The following CYRIA variants were observed in gnomAD, a reference collection of about 807,000 sequenced individuals.
CYRIA encodes CYFIP related Rac1 interactor A.
Under a neutral mutation model 43.9 loss-of-function variants are expected in CYRIA, and 15 were observed. The observed-to-expected ratio is 0.34, with a 90% CI of 0.23 to 0.53. The LOEUF (loss-of-function observed/expected upper bound fraction) is 0.53, where lower values mean the gene tolerates loss of function less well. CYRIA is among the 20% of genes least tolerant of loss of function. CYRIA has a pLI of 0.94. For missense variants in CYRIA, 236 were observed against 394.2 expected (o/e 0.60, Z 3.40); for synonymous variants, 117 against 136.0 (o/e 0.86, Z 0.97).
At chr2:16,563,921 C>T in intron 5 of CYRIA, 68 bp downstream of exon 5, 2 of 1,168,488 alleles carry the variant, frequency 1.7e-6, no homozygotes, top group Non-Finnish European at 2.5e-6. Flanking sequence ...ACGCTGTTCC[C>T]ACTACCTACT....
intron 2 of CYRIA, among the ~76,000 whole-genome samples, chr2:16,593,946 C>T (rs1307224338): frequency 9.0e-6 from 1 of 111,542 alleles, no homozygotes; most frequent in African/African-American, 3.4e-5. Context: ...TCTCATTGTT[C>T]AATTCCCACC....
chr2:16,643,527 A>G (rs1049974796), intron 1 of CYRIA, among the ~76,000 whole-genome samples: 7 of 152,234 alleles, frequency 4.6e-5, no homozygotes, highest in Non-Finnish European at 8.8e-5. Context: ...TTTAAGACAC[A>G]CAGTCACGAT....
intron 2 of CYRIA, among the ~76,000 whole-genome samples, chr2:16,589,379 G>A (rs1572485385): frequency 6.6e-6 from 1 of 152,110 alleles, no homozygotes; most frequent in Non-Finnish European, 1.5e-5. Context: ...GTAGCAAGTG[G>A]TGGGATCTGG....
At chr2:16,559,427 T>TC in intron 10 of CYRIA, 33 bp downstream of exon 10, 1 of 1,603,992 alleles carries the variant, frequency 6.2e-7, no homozygotes, top group South Asian at 1.1e-5. Flanking sequence ...CATGGGCCCT[T>TC]ATTTGGAAAG....
chr2:16,560,819 A>G (rs1666699183), intron 9 of CYRIA, 171 bp downstream of exon 9: 2 of 645,710 alleles, frequency 3.1e-6, no homozygotes, highest in Admixed American at 4.9e-5. Flanking sequence ...TCAGCTATGC[A>G]GTAGTGATAG....
rs143967113 is a variant in CYRIA, at chr2:16,579,645, G to A, written c.70+8405C>T. Among the ~76,000 whole-genome samples the A allele has an allele frequency of 6.1e-3, 921 of 151,992 alleles. 7 individuals are homozygous for A. Among genetic ancestry groups the A allele is most frequent in the African/African-American group, 0.022 (892 of 41,458 alleles). On this transcript the variant is annotated intron_variant, in intron 3 of 11. Coordinates refer to ENST00000381323, the MANE Select transcript of CYRIA (RefSeq NM_030797.4). ...TAGATTTTGAAGGCAGATCACAATC[G>A]TCTATATTATAATCTCTAAAGCAAG...
intron 2 of CYRIA, among the ~76,000 whole-genome samples, chr2:16,602,854 C>T (rs1668257370): frequency 6.6e-6 from 1 of 152,090 alleles, no homozygotes; most frequent in Non-Finnish European, 1.5e-5. Flanking sequence ...GCTCTTTGCT[C>T]CCTAATAAGG....
At chr2:16,599,651 A>C (rs1668131341) in intron 2 of CYRIA, among the ~76,000 whole-genome samples, 1 of 148,266 alleles carries the variant, frequency 6.7e-6, no homozygotes, top group Non-Finnish European at 1.5e-5. Context: ...TAGTGAGATG[A>C]ACCCGGTACC....
At chr2:16,604,490 C>A (rs977012720) in intron 2 of CYRIA, among the ~76,000 whole-genome samples, 2 of 152,232 alleles carry the variant, frequency 1.3e-5, no homozygotes, top group African/African-American at 4.8e-5. Context: ...CTCAGACACG[C>A]TTTCTCCTGG....
At chr2:16,607,123 A>G (rs1249378085) in intron 2 of CYRIA, among the ~76,000 whole-genome samples, 2 of 152,200 alleles carry the variant, frequency 1.3e-5, no homozygotes, top group African/African-American at 4.8e-5. Context: ...CTTTGTTTCC[A>G]GCTTCTGAAA....
chr2:16,556,427 G>C (rs934924454), intron 10 of CYRIA, among the ~76,000 whole-genome samples: 1 of 152,158 alleles, frequency 6.6e-6, no homozygotes, highest in African/African-American at 2.4e-5. Context: ...GATTATCACA[G>C]TGTGGAAGTG....
In CYRIA at chr2:16,552,653, G is replaced by T; in HGVS notation, c.*283C>A. On this transcript the variant is annotated 3_prime_UTR_variant, in exon 12 of 12. Coordinates refer to ENST00000381323, the MANE Select transcript of CYRIA (RefSeq NM_030797.4). ...CACAAACAATTAGGAATTTTTTATC[G>T]TTATAGATGTTGTTAAAGGACTCCA... The T allele has an allele frequency of 3.1e-6, 1 of 321,506 alleles. No individual in the cohort carries two copies. The highest frequency in any genetic ancestry group is 7.5e-5 in the South Asian group (1 of 13,420). The allele number at this position is 321,506 out of a possible 1,614,324, so 19.9% of individuals were successfully genotyped here. A position where few individuals can be genotyped will look rare whatever the true frequency, so the allele number is the denominator to read the frequency against.
At chr2:16,626,922 CT>C (rs1669186459) in intron 1 of CYRIA, among the ~76,000 whole-genome samples, 2 of 152,220 alleles carry the variant, frequency 1.3e-5, no homozygotes. Context: ...TTTTCCATAT[CT>C]TTTCATCTTT....
chr2:16,638,038 G>T (rs1572195714), intron 1 of CYRIA, among the ~76,000 whole-genome samples: 2 of 152,256 alleles, frequency 1.3e-5, no homozygotes, highest in Middle Eastern at 6.8e-3. Context: ...GGTGATGGGT[G>T]GGGTGGCAGT....
At chr2:16,600,938 G>A (rs189474316) in intron 2 of CYRIA, among the ~76,000 whole-genome samples, 1 of 152,312 alleles carries the variant, frequency 6.6e-6, no homozygotes, top group African/African-American at 2.4e-5. Flanking sequence ...CTGTGAATCT[G>A]AAGACTATGC....
intron 2 of CYRIA, among the ~76,000 whole-genome samples, chr2:16,609,837 T>C (rs753194315): frequency 2.3e-4 from 35 of 152,028 alleles, no homozygotes; most frequent in Non-Finnish European, 3.8e-4. Flanking sequence ...CAGATCAACC[T>C]GATATTTTAT....
rs192635528 is a variant in CYRIA, at chr2:16,562,726, A to G, written c.299-585T>C. Among the ~76,000 whole-genome samples, 143 of 152,312 alleles carry G rather than the reference A, an allele frequency of 9.4e-4. 2 individuals are homozygous for G. Among genetic ancestry groups the G allele is most frequent in the Admixed American group, 4.6e-3 (70 of 15,300 alleles). On this transcript the variant is annotated intron_variant, in intron 5 of 11. Transcript: ENST00000381323. The stretch of plus-strand genomic sequence containing the variant: ...TGTTCTTCAATATATTTCTAATAGC[A>G]CAGAGTCATTTAACCAATCCTCTAA...
At chr2:16,563,937 A>G in intron 5 of CYRIA, 52 bp downstream of exon 5, 5 of 1,387,912 alleles carry the variant, frequency 3.6e-6, no homozygotes, top group Non-Finnish European at 5.1e-6. Context: ...CTACTCAAAC[A>G]TCAAAACAGA....
In CYRIA at chr2:16,588,090, C is replaced by T. The variant is rs761443387; in HGVS notation, c.30G>A (p.Arg10=). The T allele has an allele frequency of 1.9e-6, 3 of 1,607,196 alleles. No homozygotes were observed. The highest frequency in any genetic ancestry group is 1.3e-5 in the African/African-American group (1 of 74,642). MGNLLKVLT[R]EIENYPHFFL... is the part of the protein sequence containing the mutation. ...AAAAGTGTGGATAGTTTTCAATTTC[C>T]CTGGTAAGGACTTTGAGCAGGTTTC... The change falls in exon 3 of 12, where the codon AGG becomes AGA. Residue 10 remains arginine (R), a synonymous_variant. Transcript: ENST00000381323.
Sources: allele counts gnomAD v4.1 joint callset (sites outside exome capture counted in the v4.1 genomes callset), GRCh38; gene constraint gnomAD v4.1.1; transcripts MANE v1.5; gene names NCBI Gene and HGNC (gene_info 2026-07-23, HGNC 2026-07-21).